The following SGIP1 variants were observed in gnomAD, a reference collection of about 807,000 sequenced individuals.
SGIP1 encodes the protein SH3-containing GRB2-like protein 3-interacting protein 1.
In SGIP1, 38 loss-of-function variants were observed where a neutral mutation model predicts 107.5. The observed-to-expected ratio is 0.35, with a 90% CI of 0.27 to 0.46. The LOEUF is 0.46. SGIP1 is among the 20% of genes least tolerant of loss of function. The probability of loss-of-function intolerance (pLI) is 1.00; values close to 1 mark genes in which losing one functional copy is unlikely to be tolerated. For synonymous variants in SGIP1, 365 were observed against 366.1 expected (o/e 1.00, Z 0.03); for missense variants, 929 against 1,019.5 (o/e 0.91, Z 1.21).
At position 66,676,227 on chromosome 1, in the gene SGIP1, T is replaced by C. The variant is rs146980900; in HGVS notation, c.647-777T>C. ...CCTACGGTCAGTGCAGAGGATAGAT[T>C]CAAACCACATCCAACTGACTTCCCA... On this transcript the variant is annotated intron_variant, in intron 12 of 24. Coordinates refer to ENST00000371037, the MANE Select transcript of SGIP1 (RefSeq NM_032291.4). Among the ~76,000 whole-genome samples the C allele has an allele frequency of 9.1e-4, 139 of 152,330 alleles. 1 individual carries two copies. The highest frequency in any genetic ancestry group is 1.9e-3 in the South Asian group (9 of 4,822).
intron 7 of SGIP1, chr1:66,660,011 A>G (rs1168097043): frequency 0.013 from 642 of 49,250 alleles, 101 homozygotes; most frequent in East Asian, 0.074. Flanking sequence ...AGACAGACAG[A>G]CAGACAGGAA....
At chr1:66,680,185 C>T (rs888373975) in intron 14 of SGIP1, among the ~76,000 whole-genome samples, 9 of 152,138 alleles carry the variant, frequency 5.9e-5, no homozygotes, top group African/African-American at 2.2e-4. Flanking sequence ...AAATGGTTCC[C>T]AGGGTGTGCA....
At chr1:66,601,093 G>A (rs1251683237) in intron 1 of SGIP1, among the ~76,000 whole-genome samples, 2 of 152,198 alleles carry the variant, frequency 1.3e-5, no homozygotes, top group Non-Finnish European at 2.9e-5. Flanking sequence ...GCCGGGCGCG[G>A]TGGCTCACGC....
At chr1:66,641,304 C>T (rs1356149648) in intron 5 of SGIP1, among the ~76,000 whole-genome samples, 2 of 152,114 alleles carry the variant, frequency 1.3e-5, no homozygotes. Context: ...ACATATTGTA[C>T]ACCTTAAATA....
rs188357276 is a variant in SGIP1 at position 66,603,485 on chromosome 1, A to T, written c.11-22362A>T. Among the ~76,000 whole-genome samples, 396 of 152,274 alleles carry T rather than the reference A, an allele frequency of 2.6e-3. 14 individuals carry two copies. The highest frequency in any genetic ancestry group is 0.026 in the Admixed American group (394 of 15,298). On this transcript the variant is annotated intron_variant, in intron 1 of 24. Coordinates refer to ENST00000371037, the MANE Select transcript of SGIP1 (RefSeq NM_032291.4). ...AAAGAATTAAAGAATTTTTTAACTG[A>T]AACTAAAGGACTAGAATTAGAATAT...
chr1:66,638,045 T>A (rs1168171220), intron 4 of SGIP1, among the ~76,000 whole-genome samples: 3 of 151,930 alleles, frequency 2.0e-5, no homozygotes, highest in Non-Finnish European at 2.9e-5. Flanking sequence ...ATCACAAAAT[T>A]CATGAGTTTA....
chr1:66,545,628 T>TTGTGTG (rs769603266), intron 1 of SGIP1, among the ~76,000 whole-genome samples: 33,155 of 138,750 alleles, frequency 0.24, 4,013 homozygotes, highest in South Asian at 0.3. Flanking sequence ...ACTGAACAAA[T>TTGTGTG]TGTGTGTGTG....
At chr1:66,554,903 A>G (rs1481172168) in intron 1 of SGIP1, among the ~76,000 whole-genome samples, 1 of 152,160 alleles carries the variant, frequency 6.6e-6, no homozygotes, top group Non-Finnish European at 1.5e-5. Flanking sequence ...TGCATCTATA[A>G]AAGTGATTAT....
chr1:66,634,473 C>T (rs1427807840), intron 3 of SGIP1, among the ~76,000 whole-genome samples: 4 of 152,158 alleles, frequency 2.6e-5, no homozygotes, highest in African/African-American at 4.8e-5. Flanking sequence ...GCAGCTGACA[C>T]GTGGCAGGCA....
chr1:66,546,031 T>C (rs1364836211), intron 1 of SGIP1, among the ~76,000 whole-genome samples: 2 of 152,172 alleles, frequency 1.3e-5, no homozygotes, highest in Non-Finnish European at 2.9e-5. Flanking sequence ...CACAAACTTT[T>C]GGTGAAAGAG....
At chr1:66,706,639 A>G (rs1292003852) in intron 18 of SGIP1, among the ~76,000 whole-genome samples, 1 of 151,806 alleles carries the variant, frequency 6.6e-6, no homozygotes, top group East Asian at 1.9e-4. Flanking sequence ...TTTTTTCCTC[A>G]GTATGAAAGT....
intron 12 of SGIP1, among the ~76,000 whole-genome samples, chr1:66,676,521 G>A (rs147223233): frequency 1.2e-3 from 188 of 152,196 alleles, no homozygotes; most frequent in African/African-American, 4.1e-3. Context: ...TTTTTATGAT[G>A]CTGTAAAAGG....
intron 7 of SGIP1, among the ~76,000 whole-genome samples, chr1:66,649,379 G>C (rs895946606): frequency 1.3e-5 from 2 of 152,224 alleles, no homozygotes; most frequent in Admixed American, 1.3e-4. Context: ...CTTGCTAGCA[G>C]TACTGCTTAG....
At chr1:66,575,351 A>G (rs575103908) in intron 1 of SGIP1, among the ~76,000 whole-genome samples, 5 of 152,250 alleles carry the variant, frequency 3.3e-5, no homozygotes, top group Non-Finnish European at 7.4e-5. Flanking sequence ...CATTTGGCCA[A>G]CTTTTTCACT....
intron 19 of SGIP1, among the ~76,000 whole-genome samples, chr1:66,723,871 T>G (rs2093646560): frequency 6.6e-6 from 1 of 152,196 alleles, no homozygotes; most frequent in Admixed American, 6.5e-5. Context: ...GCAACATAAT[T>G]TCCTAGAAAA....
intron 20 of SGIP1, 67 bp downstream of exon 20, chr1:66,729,486 G>T: frequency 6.3e-7 from 1 of 1,579,670 alleles, no homozygotes; most frequent in Non-Finnish European, 8.7e-7. Flanking sequence ...TTAGATGAGG[G>T]ATATATCTTA....
intron 20 of SGIP1, among the ~76,000 whole-genome samples, chr1:66,729,746 G>C (rs2093922431): frequency 6.6e-6 from 1 of 152,210 alleles, no homozygotes; most frequent in Non-Finnish European, 1.5e-5. Flanking sequence ...GATGACAATG[G>C]TGGGAAATGA....
intron 1 of SGIP1, among the ~76,000 whole-genome samples, chr1:66,551,720 C>T (rs1265326378): frequency 2.6e-5 from 4 of 152,016 alleles, no homozygotes; most frequent in Non-Finnish European, 5.9e-5. Flanking sequence ...TAGGTGTTGC[C>T]TTTTTACTTG....
chr1:66,692,139 C>A (rs372882029), intron 17 of SGIP1, among the ~76,000 whole-genome samples: 1 of 135,170 alleles, frequency 7.4e-6, no homozygotes, highest in Non-Finnish European at 1.5e-5. Context: ...CCAGCCTAGG[C>A]GACAGAGTGA....
Sources: allele counts gnomAD v4.1 joint callset (sites outside exome capture counted in the v4.1 genomes callset), GRCh38; gene constraint gnomAD v4.1.1; transcripts MANE v1.5; gene names NCBI Gene and HGNC (gene_info 2026-07-23, HGNC 2026-07-21).